SLC45A4: variants seen among roughly 807,000 people sequenced by gnomAD.
SLC45A4 encodes solute carrier family 45 member 4, also known as polyamine-transporter SLC45A4.
In SLC45A4, 32 loss-of-function variants were observed where a neutral mutation model predicts 63.7. That is an observed-to-expected ratio of 0.50 (90% CI 0.38 to 0.67). The LOEUF is 0.67. Ranked by LOEUF, SLC45A4 falls within the 30% of genes least tolerant of loss-of-function variation. SLC45A4 has a pLI of 0.00. For synonymous variants in SLC45A4, 535 were observed against 510.0 expected, an observed-to-expected ratio of 1.05 and a Z score of -0.66; for missense variants, 1,027 against 1,157.7, an observed-to-expected ratio of 0.89 and a Z score of 1.64.
intron 1 of SLC45A4, among the ~76,000 whole-genome samples, chr8:141,272,967 C>T (rs374271490): frequency 6.6e-6 from 1 of 152,146 alleles, no homozygotes; most frequent in South Asian, 2.1e-4. Flanking sequence ...AAATAAGACA[C>T]CTTTTTAAAC....
At chr8:141,272,617 C>G (rs1035039663) in intron 1 of SLC45A4, among the ~76,000 whole-genome samples, 1 of 152,206 alleles carries the variant, frequency 6.6e-6, no homozygotes, top group Admixed American at 6.5e-5. Flanking sequence ...CCAGCCCAGC[C>G]CAACCACGGG....
At chr8:141,279,245 C>T (rs1237445606) in intron 1 of SLC45A4, among the ~76,000 whole-genome samples, 5 of 152,238 alleles carry the variant, frequency 3.3e-5, no homozygotes, top group Non-Finnish European at 5.9e-5. Context: ...TCCTTGCCTC[C>T]CATCCGCCTA....
Position 141,215,331 on chromosome 8 carries a change from A to G in SLC45A4, c.1941+428T>C, listed in dbSNP as rs936886608. 6.6e-6 allele frequency among the ~76,000 whole-genome samples: 1 copy of G among 152,222 alleles called. No homozygotes were observed. The highest frequency in any genetic ancestry group is 1.5e-5 in the Non-Finnish European group (1 of 68,040). On this transcript the variant is annotated intron_variant, in intron 7 of 8. Coordinates refer to ENST00000517878, the MANE Select transcript of SLC45A4 (RefSeq NM_001286646.2). The surrounding 1 kb of genome is among the most constrained non-coding windows in gnomAD (Gnocchi z 4.3). ...TGTTTTAGATACACCAGGTTGAATAAATATGCTATGAAAATGGCCTTCACT... is the reference window on the plus strand; with the variant it reads ...TGTTTTAGATACACCAGGTTGAATAGATATGCTATGAAAATGGCCTTCACT...
At chr8:141,287,551 G>C (rs1314453695) in intron 1 of SLC45A4, among the ~76,000 whole-genome samples, 2 of 152,208 alleles carry the variant, frequency 1.3e-5, no homozygotes, top group African/African-American at 4.8e-5. Context: ...TGGCTGACTG[G>C]ACAATTACAG....
rs960537988 is a variant in SLC45A4, at chr8:141,230,626, C to T, written c.242-8861G>A. Among the ~76,000 whole-genome samples, 8 of 152,360 alleles carry T rather than the reference C, an allele frequency of 5.3e-5. No individual in the cohort carries two copies. The South Asian group carries it at 1.7e-3, about 32-fold the overall frequency. ...GCCCAGGCCAGTGCTGCCTCTGCCGCCCGGCCTTGCTGCCCGAGCGCACGC... is the reference window on the plus strand; with the variant it reads ...GCCCAGGCCAGTGCTGCCTCTGCCGTCCGGCCTTGCTGCCCGAGCGCACGC... On this transcript the variant is annotated intron_variant, in intron 2 of 8. Coordinates refer to ENST00000517878, the MANE Select transcript of SLC45A4 (RefSeq NM_001286646.2).
intron 7 of SLC45A4, among the ~76,000 whole-genome samples, chr8:141,214,843 C>T (rs1257853725): frequency 6.6e-6 from 1 of 152,162 alleles, no homozygotes; most frequent in Non-Finnish European, 1.5e-5. Flanking sequence ...ATGACCTAGG[C>T]AGACACCCAT....
At chr8:141,308,063 G>C (rs1159117503) in intron 1 of SLC45A4, 33 bp downstream of exon 1, 2 of 151,892 alleles carry the variant, frequency 1.3e-5, no homozygotes, top group Non-Finnish European at 3.0e-5. Context: ...AGGGGGCGGC[G>C]GGGCAGGCGG....
In SLC45A4 at chr8:141,218,228, C is replaced by T. The variant is rs777539661; in HGVS notation, c.1412G>A (p.Arg471Gln). 37 of 1,601,856 alleles carry T rather than the reference C, an allele frequency of 2.3e-5. 1 individual carries two copies. Among genetic ancestry groups the T allele is most frequent in the East Asian group, 8.9e-5 (4 of 44,870 alleles). ...GGAGGTGGTGGCCCCGCTCTGGTTC[C>T]GGTGCCGGTGCTGCCGCTGCCGCTT... Reference protein sequence around the residue: ...MQKRQRQHRHRNQSGATTSSG... With the variant: ...MQKRQRQHRHQNQSGATTSSG... The change falls in exon 5 of 9, where the codon CGG (arginine) becomes CAG (glutamine). Residue 471 changes from arginine (R) to glutamine (Q), a missense_variant. Arg to Gln is a conservative substitution (Grantham distance 43). Coordinates refer to ENST00000517878, the MANE Select transcript of SLC45A4 (RefSeq NM_001286646.2).
intron 2 of SLC45A4, among the ~76,000 whole-genome samples, chr8:141,231,567 G>A (rs985297885): frequency 2.0e-5 from 3 of 152,222 alleles, no homozygotes; most frequent in Non-Finnish European, 2.9e-5. Context: ...GCAGGTGGGC[G>A]GACGGCTGGC....
At chr8:141,301,113 C>T (rs1232261184) in intron 1 of SLC45A4, among the ~76,000 whole-genome samples, 1 of 152,286 alleles carries the variant, frequency 6.6e-6, no homozygotes, top group Non-Finnish European at 1.5e-5. Flanking sequence ...GAGCCCCCAC[C>T]TCCAGCCTGC....
In SLC45A4 at chr8:141,219,726, G is replaced by A. The variant is rs756362043; in HGVS notation, c.534C>T (p.Pro178=). ...LDFSADATEG[P]IRAYLLDVVD... ...CCACGTCCAGCAGATAGGCACGGAT[G>A]GGCCCCTCGGTGGCATCGGCGCTGA... Residue 178 remains proline, a synonymous_variant, in exon 4 of 9, where the codon CCC becomes CCT. Transcript: ENST00000517878. The A allele has an allele frequency of 3.1e-6, 5 of 1,609,422 alleles. No individual in the cohort carries two copies. The highest frequency in any genetic ancestry group is 2.7e-5 in the African/African-American group (2 of 74,834).
chr8:141,270,445 G>A (rs574486224), intron 1 of SLC45A4, among the ~76,000 whole-genome samples: 8 of 151,894 alleles, frequency 5.3e-5, no homozygotes, highest in African/African-American at 1.7e-4. Context: ...AGGCTGAGGC[G>A]GGAGAATCGC....
intron 1 of SLC45A4, among the ~76,000 whole-genome samples, chr8:141,264,277 C>T (rs1359913456): frequency 6.6e-6 from 1 of 152,098 alleles, no homozygotes; most frequent in African/African-American, 2.4e-5. Flanking sequence ...CTGGGTGTTG[C>T]AGTATGATTG....
intron 2 of SLC45A4, among the ~76,000 whole-genome samples, chr8:141,232,790 T>A (rs1226883393): frequency 2.0e-5 from 3 of 150,016 alleles, no homozygotes; most frequent in African/African-American, 7.4e-5. Flanking sequence ...ACACACTCAG[T>A]GGCTCCCAGG....
chr8:141,253,292 CGTGT>C (rs1222963081), intron 2 of SLC45A4: 2 of 157,830 alleles, frequency 1.3e-5, no homozygotes, highest in East Asian at 4.5e-4. Context: ...TGCCCACCTG[CGTGT>C]GTCTGTGAAT....
Position 141,278,765 on chromosome 8 carries a change from A to C in SLC45A4, c.-400-24136T>G, listed in dbSNP as rs1366780439. Among the ~76,000 whole-genome samples, 2 of 152,264 alleles carry C rather than the reference A, an allele frequency of 1.3e-5. No homozygotes were observed. The highest frequency in any genetic ancestry group is 2.9e-5 in the Non-Finnish European group (2 of 68,044). On this transcript the variant is annotated intron_variant, in intron 1 of 8. Transcript: ENST00000517878. The surrounding 1 kb of genome is among the most constrained non-coding windows in gnomAD (Gnocchi z 4.1). ...TTGCTAACGTCTCAACAAGGCACAG[A>C]CGCACCCGCAAGGGAGTGGGCAGCA...
At chr8:141,283,778 C>G (rs1004636217) in intron 1 of SLC45A4, among the ~76,000 whole-genome samples, 3 of 152,206 alleles carry the variant, frequency 2.0e-5, no homozygotes, top group African/African-American at 7.2e-5. Context: ...AAAGGGAAAC[C>G]TCCAGCTCCA....
At chr8:141,298,565 T>G (rs1339301474) in intron 1 of SLC45A4, among the ~76,000 whole-genome samples, 1 of 152,192 alleles carries the variant, frequency 6.6e-6, no homozygotes, top group Non-Finnish European at 1.5e-5. Context: ...GCAAGCCAAG[T>G]GGCCAACCCG....
chr8:141,270,365 T>G, intron 1 of SLC45A4, among the ~76,000 whole-genome samples: 1 of 118,592 alleles, frequency 8.4e-6, no homozygotes, highest in South Asian at 2.9e-4. Flanking sequence ...CATCTCTACA[T>G]AAATAAATAC....
Sources: allele counts gnomAD v4.1 joint callset (sites outside exome capture counted in the v4.1 genomes callset), GRCh38; gene constraint gnomAD v4.1.1; non-coding constraint Gnocchi (gnomAD v3.1); transcripts MANE v1.5; gene names NCBI Gene and HGNC (gene_info 2026-07-23, HGNC 2026-07-21).